The following ANKS1B variants were observed in gnomAD, a reference collection of about 807,000 sequenced individuals.
ANKS1B encodes ankyrin repeat and sterile alpha motif domain containing 1B, also known as ankyrin repeat and sterile alpha motif domain-containing protein 1B.
In ANKS1B, 36 loss-of-function variants were observed where a neutral mutation model predicts 148.3. That is an observed-to-expected ratio of 0.24 (90% confidence interval 0.19 to 0.32). The LOEUF is 0.32. Ranked by LOEUF, ANKS1B falls within the 10% of genes least tolerant of loss-of-function variation. The probability of loss-of-function intolerance (pLI) is 1.00; values close to 1 mark genes in which losing one functional copy is unlikely to be tolerated. For synonymous variants in ANKS1B, 542 were observed against 560.8 expected (o/e 0.97, Z 0.47); for missense variants, 1,157 against 1,542.6 (o/e 0.75, Z 4.19).
At chr12:99,275,329 AC>A (rs1176847294) in intron 12 of ANKS1B, among the ~76,000 whole-genome samples, 1 of 151,590 alleles carries the variant, frequency 6.6e-6, no homozygotes, top group Admixed American at 6.6e-5. Flanking sequence ...CCTATTAACC[AC>A]CCCCTGTCCC....
At chr12:98,916,552 T>G (rs1366198612) in intron 17 of ANKS1B, among the ~76,000 whole-genome samples, 3 of 152,270 alleles carry the variant, frequency 2.0e-5, no homozygotes, top group African/African-American at 7.2e-5. Context: ...CAATGTTTTC[T>G]TTTCAGAATG....
At chr12:99,852,868 G>A (rs1017657588) in intron 1 of ANKS1B, among the ~76,000 whole-genome samples, 8 of 152,170 alleles carry the variant, frequency 5.3e-5, no homozygotes, top group Admixed American at 2.6e-4. Flanking sequence ...CGGTTCTATT[G>A]GGAGGGCACA....
intron 5 of ANKS1B, among the ~76,000 whole-genome samples, chr12:99,781,807 C>T (rs554999380): frequency 6.6e-6 from 1 of 152,208 alleles, no homozygotes; most frequent in East Asian, 1.9e-4. Context: ...GAGGTTTGTA[C>T]TTAAAACATC....
At chr12:98,961,560 C>G (rs2099871489) in intron 17 of ANKS1B, among the ~76,000 whole-genome samples, 1 of 151,984 alleles carries the variant, frequency 6.6e-6, no homozygotes. Context: ...AAAAAACTCA[C>G]AGGTAATAGC....
At chr12:99,239,368 A>G (rs1355195914) in intron 14 of ANKS1B, among the ~76,000 whole-genome samples, 3 of 152,226 alleles carry the variant, frequency 2.0e-5, no homozygotes. Flanking sequence ...AGATTAGAGA[A>G]AAAAGAGTGA....
chr12:99,658,946 A>T (rs1202968385), intron 8 of ANKS1B, among the ~76,000 whole-genome samples: 1 of 152,230 alleles, frequency 6.6e-6, no homozygotes, highest in East Asian at 1.9e-4. Flanking sequence ...TGTGTTGTGC[A>T]TAATGAAACA....
At chr12:98,875,945 C>A (rs2099688248) in intron 17 of ANKS1B, among the ~76,000 whole-genome samples, 1 of 152,142 alleles carries the variant, frequency 6.6e-6, no homozygotes, top group Admixed American at 6.5e-5. Context: ...TGAATTCAGT[C>A]TTCCTCATTC....
In ANKS1B at chr12:99,632,762, TATATA is replaced by T. The variant is rs1567523043; in HGVS notation, c.1272+22300_1272+22304del. 9.0e-4 allele frequency among the ~76,000 whole-genome samples: 77 copies of T among 85,690 alleles called. 5 individuals are homozygous for T. The highest frequency in any genetic ancestry group is 4.2e-3 in the Admixed American group (34 of 8,108). 56.2% of individuals were successfully genotyped at this position (85,690 alleles called of 152,430 possible). A position where few individuals can be genotyped will look rare whatever the true frequency, so the allele number is the denominator to read the frequency against. Reference sequence around the variant, plus strand: ...ATATATATATATATATATATATATATATATATTTTAATTATACTTTAAGTTCTAGG... The same window carrying T: ...ATATATATATATATATATATATATATTTTTAATTATACTTTAAGTTCTAGG... On this transcript the variant is annotated intron_variant, in intron 9 of 26. Coordinates refer to ENST00000683438, the MANE Select transcript of ANKS1B (RefSeq NM_001352186.2).
Position 99,246,677 on chromosome 12 carries a change from G to T in ANKS1B, c.1944C>A (p.Phe648Leu). The change falls in exon 13 of 27, where the codon TTC becomes TTA. Residue 648 changes from phenylalanine to leucine, a missense_variant. Phe to Leu is a conservative substitution (Grantham distance 22). Coordinates refer to ENST00000683438, the MANE Select transcript of ANKS1B (RefSeq NM_001352186.2). ...AGTTATTTTCTATTGGAGACTGCTT[G>T]AAAGGCAAAGGACTGTTTGCCAAAC... ...EVSLANSPLP[F>L]KQSPIENNSE... 6.2e-7 allele frequency: 1 copy of T among 1,613,910 alleles called. No homozygotes were observed. Among genetic ancestry groups the T allele is most frequent in the South Asian group, 1.1e-5 (1 of 91,072 alleles).
intron 25 of ANKS1B, among the ~76,000 whole-genome samples, chr12:98,755,534 G>T (rs1388803478): frequency 6.6e-6 from 1 of 152,172 alleles, no homozygotes; most frequent in Non-Finnish European, 1.5e-5. Flanking sequence ...ATATCCACAG[G>T]ACTAACTGGA....
chr12:98,873,351 T>C lies in ANKS1B; in HGVS notation c.2779-41215A>G, dbSNP rs1030065279. 2.2e-4 allele frequency among the ~76,000 whole-genome samples: 33 copies of C among 152,226 alleles called. 1 individual carries two copies. The highest frequency in any genetic ancestry group is 2.4e-4 in the Non-Finnish European group (16 of 68,036). Reference sequence around the variant, plus strand: ...CACCTAAGACTTACTCGTTAAGTGTTTGTTGAATGAATGAATGAAATAAAA... The same window carrying C: ...CACCTAAGACTTACTCGTTAAGTGTCTGTTGAATGAATGAATGAAATAAAA... On this transcript the variant is annotated intron_variant, in intron 17 of 26. Coordinates refer to ENST00000683438, the MANE Select transcript of ANKS1B (RefSeq NM_001352186.2).
At chr12:98,793,793 G>A (rs2098916924) in intron 22 of ANKS1B, among the ~76,000 whole-genome samples, 1 of 152,188 alleles carries the variant, frequency 6.6e-6, no homozygotes, top group Non-Finnish European at 1.5e-5. Context: ...TACAGTAACA[G>A]ATGCTTCCTA....
At chr12:99,775,728 T>G (rs1164347780) in intron 6 of ANKS1B, 67 bp from the exon 7 acceptor site, 2 of 924,452 alleles carry the variant, frequency 2.2e-6, no homozygotes, top group Non-Finnish European at 3.2e-6. Flanking sequence ...AAATTTTAAG[T>G]TTTACTTCTG....
chr12:99,192,498 A>G (rs1322667924), intron 14 of ANKS1B, among the ~76,000 whole-genome samples: 2 of 152,166 alleles, frequency 1.3e-5, no homozygotes. Context: ...TACTTTATTA[A>G]AAGTTATATT....
At chr12:99,674,923 T>C (rs567628157) in intron 8 of ANKS1B, among the ~76,000 whole-genome samples, 32 of 151,766 alleles carry the variant, frequency 2.1e-4, no homozygotes, top group African/African-American at 7.5e-4. Context: ...GTAAGAAAAA[T>C]AGCACGGTAA....
In ANKS1B at chr12:99,632,734, T is replaced by G. The variant is rs200044540; in HGVS notation, c.1272+22333A>C. Reference sequence around the variant, plus strand: ...TGTGTCTTCCTTTTCTTTCTATATATATATATATATATATATATATATATA... The same window carrying G: ...TGTGTCTTCCTTTTCTTTCTATATAGATATATATATATATATATATATATA... On this transcript the variant is annotated intron_variant, in intron 9 of 26. Transcript: ENST00000683438. Among the ~76,000 whole-genome samples, 52 of 30,416 alleles carry G rather than the reference T, an allele frequency of 1.7e-3. 3 individuals are homozygous for G. In the East Asian group the frequency reaches 0.028, roughly 16 times the overall value. The allele number at this position is 30,416 out of a possible 152,430, so 20.0% of individuals were successfully genotyped here. A position where few individuals can be genotyped will look rare whatever the true frequency, so the allele number is the denominator to read the frequency against.
intron 1 of ANKS1B, among the ~76,000 whole-genome samples, chr12:99,970,546 A>G (rs903262407): frequency 2.0e-5 from 3 of 149,958 alleles, no homozygotes; most frequent in African/African-American, 7.4e-5. Flanking sequence ...AAAAAAACAC[A>G]TTGGATCCTC....
At chr12:99,945,706 G>C (rs764978501) in intron 1 of ANKS1B, among the ~76,000 whole-genome samples, 15 of 152,146 alleles carry the variant, frequency 9.9e-5, no homozygotes, top group Non-Finnish European at 1.3e-4. Context: ...AAGCAGCTGC[G>C]AGACTGTTGG....
rs749238034 is a variant in ANKS1B at position 99,812,552 on chromosome 12, CACACACAGAGAGAG to C, written c.216-255_216-242del. Among the ~76,000 whole-genome samples, 498 of 86,826 alleles carry C rather than the reference CACACACAGAGAGAG, an allele frequency of 5.7e-3. 6 individuals are homozygous for C. Among genetic ancestry groups the C allele is most frequent in the South Asian group, 0.031 (80 of 2,542 alleles). The allele number at this position is 86,826 out of a possible 152,430, so 57.0% of individuals were successfully genotyped here. ...ACACACACACACACACACACACACA[CACACACAGAGAGAG>C]AGAGAGAGAGAAAGAGAGCGAGAGC... On this transcript the variant is annotated intron_variant, in intron 2 of 26. Coordinates refer to ENST00000683438, the MANE Select transcript of ANKS1B (RefSeq NM_001352186.2).
Sources: allele counts gnomAD v4.1 joint callset (sites outside exome capture counted in the v4.1 genomes callset), GRCh38; gene constraint gnomAD v4.1.1; transcripts MANE v1.5; gene names NCBI Gene and HGNC (gene_info 2026-07-23, HGNC 2026-07-21).